The following CARS1 variants were observed in gnomAD, a reference collection of about 807,000 sequenced individuals.
The protein encoded by CARS1 is cysteine--tRNA ligase, cytoplasmic.
In CARS1, 48 loss-of-function variants were observed where a neutral mutation model predicts 106.2. The ratio of observed to expected loss-of-function variants is 0.45; its 90% CI spans 0.36 to 0.57. CARS1 has a LOEUF of 0.57. Among genes scored for constraint, CARS1 ranks in the 20% least tolerant of loss-of-function variants. The pLI, the probability that CARS1 is intolerant of heterozygous loss-of-function variation, is 0.00. For synonymous variants in CARS1, 409 were observed against 403.4 expected, an observed-to-expected ratio of 1.01 and a Z score of -0.17; for missense variants, 968 against 1,057.2, an observed-to-expected ratio of 0.92 and a Z score of 1.17.
chr11:3,013,942 C>G (rs866418530), intron 17 of CARS1, among the ~76,000 whole-genome samples: 7 of 152,220 alleles, frequency 4.6e-5, no homozygotes, highest in Non-Finnish European at 7.3e-5. Flanking sequence ...CAGAGTGAGA[C>G]TCTGTCTCAA....
Position 3,053,713 on chromosome 11 carries a change from C to T in CARS1, c.25+3630G>A, listed in dbSNP as rs893030512. 1.1e-4 allele frequency among the ~76,000 whole-genome samples: 17 copies of T among 152,192 alleles called. No homozygotes were observed. In the East Asian group the frequency reaches 3.3e-3, roughly 30 times the overall value. ...GCCAAATCAGAATCTCTGGGGTGGG[C>T]CCAGCAAGTGAGGTTTAAACCAGCT... On this transcript the variant is annotated intron_variant, in intron 1 of 22. Coordinates refer to ENST00000380525, the MANE Select transcript of CARS1 (RefSeq NM_001014437.3). This position sits in a 1 kb window ranked among gnomAD's most constrained non-coding sequence, Gnocchi z 6.6.
In CARS1 at chr11:3,000,974, G is replaced by A. The variant is rs192795142; in HGVS notation, c.*140C>T. On this transcript the variant is annotated 3_prime_UTR_variant, in exon 23 of 23. Coordinates refer to ENST00000380525, the MANE Select transcript of CARS1 (RefSeq NM_001014437.3). This position sits in a 1 kb window ranked among gnomAD's most constrained non-coding sequence, Gnocchi z 7.1. ...TTATCAATGTCTCAGAGCCAACGACGACACGAACCTACATGAACACAACTC... is the reference window on the plus strand; with the variant it reads ...TTATCAATGTCTCAGAGCCAACGACAACACGAACCTACATGAACACAACTC... 3 of 932,090 alleles carry A rather than the reference G, an allele frequency of 3.2e-6. No individual in the cohort carries two copies. The highest frequency in any genetic ancestry group is 2.4e-5 in the East Asian group (1 of 41,248). The allele number at this position is 932,090 out of a possible 1,614,324, so 57.7% of individuals were successfully genotyped here.
Position 3,053,523 on chromosome 11 carries a change from G to A in CARS1, c.25+3820C>T, listed in dbSNP as rs1244319559. Among the ~76,000 whole-genome samples, 1 of 152,102 alleles carries A rather than the reference G, an allele frequency of 6.6e-6. No individual in the cohort carries two copies. The highest frequency in any genetic ancestry group is 1.9e-4 in the East Asian group (1 of 5,176). ...TGGGATTACAGACGTGAGCCACCAT[G>A]CCTGGCCTCCTGTAAGCATTTAAAC... is the stretch of plus-strand genomic sequence containing the variant. On this transcript the variant is annotated intron_variant, in intron 1 of 22. Transcript: ENST00000380525. This position sits in a 1 kb window ranked among gnomAD's most constrained non-coding sequence, Gnocchi z 6.6.
rs1855927051 is a variant in CARS1, at chr11:3,053,891, C to T, written c.25+3452G>A. On this transcript the variant is annotated intron_variant, in intron 1 of 22. Coordinates refer to ENST00000380525, the MANE Select transcript of CARS1 (RefSeq NM_001014437.3). The surrounding 1 kb of genome is among the most constrained non-coding windows in gnomAD (Gnocchi z 6.6). ...CTACTTCAAAGGTCCCACCAGGGTC[C>T]TCATCTTGTGGGTGTCCAGGCAACA... Among the ~76,000 whole-genome samples the T allele has an allele frequency of 6.6e-6, 1 of 152,180 alleles. No homozygotes were observed.
At chr11:3,018,302 C>T in intron 14 of CARS1, 106 bp downstream of exon 14, 2 of 743,524 alleles carry the variant, frequency 2.7e-6, no homozygotes, top group Non-Finnish European at 4.6e-6. Context: ...GTGCTGGTCT[C>T]CATTAGAGAC....
In CARS1 at chr11:3,029,618, C is replaced by T; in HGVS notation, c.802-175G>A. On this transcript the variant is annotated intron_variant, in intron 7 of 22. Coordinates refer to ENST00000380525, the MANE Select transcript of CARS1 (RefSeq NM_001014437.3). The surrounding 1 kb of genome is among the most constrained non-coding windows in gnomAD (Gnocchi z 5.9). ...GCTTACACAACTGGCTCGGCAGGGA[C>T]AAATACAAGACTCTACAAATGGGCA... The T allele has an allele frequency of 1.6e-6, 1 of 631,710 alleles. No individual in the cohort carries two copies. The allele number at this position is 631,710 out of a possible 1,614,324, so 39.1% of individuals were successfully genotyped here. A position where few individuals can be genotyped will look rare whatever the true frequency, so the allele number is the denominator to read the frequency against.
intron 1 of CARS1, among the ~76,000 whole-genome samples, chr11:3,051,136 G>A (rs1007711372): frequency 3.9e-5 from 6 of 152,232 alleles, no homozygotes; most frequent in Non-Finnish European, 5.9e-5. Flanking sequence ...GCTGGGAACC[G>A]GCCACAGCCT....
chr11:3,016,996 C>A (rs896791597), intron 16 of CARS1, 110 bp downstream of exon 16: 2 of 857,352 alleles, frequency 2.3e-6, no homozygotes, highest in Admixed American at 5.6e-5. Context: ...AGGTGCTGGG[C>A]ACCAGGCACA....
intron 21 of CARS1, 125 bp from the exon 22 acceptor site, chr11:3,002,178 T>C (rs1456084678): frequency 4.1e-6 from 3 of 730,446 alleles, no homozygotes; most frequent in South Asian, 1.6e-5. Flanking sequence ...CAGAGTGCTA[T>C]GAAAGATGGG....
chr11:3,014,419 GCTT>G (rs1056739513), intron 17 of CARS1, among the ~76,000 whole-genome samples: 15 of 152,342 alleles, frequency 9.8e-5, no homozygotes, highest in African/African-American at 3.4e-4. Context: ...CGCCGCAGCT[GCTT>G]CTTCGCAATC....
rs1564806016 is a variant in CARS1 at position 3,057,398 on chromosome 11, TACAG to T, written c.-35_-32del. 1 of 1,604,280 alleles carries T rather than the reference TACAG, an allele frequency of 6.2e-7. No homozygotes were observed. Among genetic ancestry groups the T allele is most frequent in the Non-Finnish European group, 8.5e-7 (1 of 1,174,352 alleles). Reference sequence around the variant, plus strand: ...GGAATCCCGGACCCGCAGCTGCGGCTACAGACACTTCCTAGAATCTGATGCAACC... The same window carrying T: ...GGAATCCCGGACCCGCAGCTGCGGCTACACTTCCTAGAATCTGATGCAACC... On this transcript the variant is annotated 5_prime_UTR_variant, in exon 1 of 23. Coordinates refer to ENST00000380525, the MANE Select transcript of CARS1 (RefSeq NM_001014437.3).
rs1851642263 is a variant in CARS1, at chr11:3,022,347, T to G, written c.1154-2015A>C. ...GTCGCAGAAATGTGGTTTACCTCCC[T>G]GTCCCATGACTTCGCCCCTCACTTC... is the stretch of plus-strand genomic sequence containing the variant. On this transcript the variant is annotated intron_variant, in intron 10 of 22. Transcript: ENST00000380525. The surrounding 1 kb of genome is among the most constrained non-coding windows in gnomAD (Gnocchi z 4.9). Among the ~76,000 whole-genome samples the G allele has an allele frequency of 1.3e-5, 2 of 152,194 alleles. No individual in the cohort carries two copies. Among genetic ancestry groups the G allele is most frequent in the African/African-American group, 2.4e-5 (1 of 41,452 alleles).
In CARS1 at chr11:3,046,428, T is replaced by C. The variant is rs1855084890; in HGVS notation, c.274+1325A>G. 6.6e-6 allele frequency among the ~76,000 whole-genome samples: 1 copy of C among 152,072 alleles called. No individual in the cohort carries two copies. Among genetic ancestry groups the C allele is most frequent in the Admixed American group, 6.5e-5 (1 of 15,278 alleles). On this transcript the variant is annotated intron_variant, in intron 2 of 22. Transcript: ENST00000380525. The surrounding 1 kb of genome is among the most constrained non-coding windows in gnomAD (Gnocchi z 5.8). ...AGGCACCTCACAGCACAGGTGTCAC[T>C]TGGGTGACCGCGCTGGAGGCTCAGG... is the stretch of plus-strand genomic sequence containing the variant.
chr11:3,017,498 C>T lies in CARS1; in HGVS notation c.1728-203G>A. The T allele has an allele frequency of 1.7e-6, 1 of 581,188 alleles. No homozygotes were observed. Among genetic ancestry groups the T allele is most frequent in the Admixed American group, 3.0e-5 (1 of 33,268 alleles). 36.0% of individuals were successfully genotyped at this position (581,188 alleles called of 1,614,324 possible). A position where few individuals can be genotyped will look rare whatever the true frequency, so the allele number is the denominator to read the frequency against. ...ACCTCTACTAAAAATCTGAAATTAGCCAGGTATGGTGGCGCATGCCTGTAA... is the reference window on the plus strand; with the variant it reads ...ACCTCTACTAAAAATCTGAAATTAGTCAGGTATGGTGGCGCATGCCTGTAA... On this transcript the variant is annotated intron_variant, in intron 15 of 22. Coordinates refer to ENST00000380525, the MANE Select transcript of CARS1 (RefSeq NM_001014437.3). The surrounding 1 kb of genome is among the most constrained non-coding windows in gnomAD (Gnocchi z 4.9).
rs1854130824 is a variant in CARS1 at position 3,039,417 on chromosome 11, C to T, written c.553-125G>A. 1.6e-6 allele frequency: 1 copy of T among 643,690 alleles called. No individual in the cohort carries two copies. The allele number at this position is 643,690 out of a possible 1,614,324, so 39.9% of individuals were successfully genotyped here. A position where few individuals can be genotyped will look rare whatever the true frequency, so the allele number is the denominator to read the frequency against. ...GAGGGTGGTGGGAGACAACTGTGGG[C>T]CCCGGACGTGCACACCATCATCAAA... On this transcript the variant is annotated intron_variant, in intron 5 of 22. Transcript: ENST00000380525. This position sits in a 1 kb window ranked among gnomAD's most constrained non-coding sequence, Gnocchi z 5.6.
intron 7 of CARS1, among the ~76,000 whole-genome samples, chr11:3,031,991 CTT>C (rs1852834827): frequency 9.5e-5 from 1 of 10,582 alleles, no homozygotes; most frequent in African/African-American, 4.4e-4. Flanking sequence ...TTTCTCCTTC[CTT>C]CCTTCCCTCC....
chr11:3,047,006 G>T (rs541280615), intron 2 of CARS1, among the ~76,000 whole-genome samples: 1 of 152,264 alleles, frequency 6.6e-6, no homozygotes, highest in East Asian at 1.9e-4. Context: ...GGCCGGGCGC[G>T]GTGGTTCACA....
intron 10 of CARS1, among the ~76,000 whole-genome samples, chr11:3,024,610 G>A (rs145452339): frequency 9.9e-4 from 151 of 152,248 alleles, no homozygotes; most frequent in African/African-American, 3.6e-3. Context: ...ACCACACCCA[G>A]CTCATTTTTA....
chr11:3,007,177 C>G, intron 18 of CARS1: 2 of 586,990 alleles, frequency 3.4e-6, no homozygotes, highest in Non-Finnish European at 6.1e-6. Context: ...AGCCCAGAGA[C>G]TAGTGTCTCC....
Sources: allele counts gnomAD v4.1 joint callset (sites outside exome capture counted in the v4.1 genomes callset), GRCh38; gene constraint gnomAD v4.1.1; non-coding constraint Gnocchi (gnomAD v3.1); transcripts MANE v1.5; gene names NCBI Gene and HGNC (gene_info 2026-07-23, HGNC 2026-07-21).